Variants in CCDC148 observed in about 807,000 individuals in gnomAD.
CCDC148 encodes the protein coiled-coil domain-containing protein 148.
Under a neutral mutation model 85.7 loss-of-function variants are expected in CCDC148, and 89 were observed. That is an observed-to-expected ratio of 1.04 (90% CI 0.87 to 1.24). The LOEUF is 1.24. Ranked by LOEUF, CCDC148 falls within the 50% of genes most tolerant of loss-of-function variation. The pLI, the probability that CCDC148 is intolerant of heterozygous loss-of-function variation, is 0.00. For synonymous variants in CCDC148, 230 were observed against 213.9 expected, an observed-to-expected ratio of 1.08 and a Z score of -0.66; for missense variants, 692 against 671.7, an observed-to-expected ratio of 1.03 and a Z score of -0.33.
chr2:158,420,685 A>T (rs1339128154), intron 1 of CCDC148, among the ~76,000 whole-genome samples: 2 of 152,156 alleles, frequency 1.3e-5, no homozygotes. Context: ...TCAAGTAACG[A>T]GCGAAATAAC....
rs531591818 is a variant in CCDC148 at position 158,386,696 on chromosome 2, A to C, written c.26-28126T>G. On this transcript the variant is annotated intron_variant, in intron 1 of 13. Coordinates refer to ENST00000283233, the MANE Select transcript of CCDC148 (RefSeq NM_138803.4). ...TTTGTCTACCTCATACTATTCTCTG[A>C]CACAATTCTTGATTTTTAAAAAAAT... Among the ~76,000 whole-genome samples the C allele has an allele frequency of 2.6e-5, 4 of 152,236 alleles. No individual in the cohort carries two copies. The East Asian group carries it at 7.7e-4, about 29-fold the overall frequency.
chr2:158,351,336 A>T (rs1683264850), intron 2 of CCDC148, among the ~76,000 whole-genome samples: 1 of 152,192 alleles, frequency 6.6e-6, no homozygotes, highest in Non-Finnish European at 1.5e-5. Context: ...GGTTCATCTC[A>T]CTAGGGAGTG....
intron 1 of CCDC148, among the ~76,000 whole-genome samples, chr2:158,387,120 C>T (rs2356093): frequency 6.6e-6 from 1 of 152,118 alleles, no homozygotes; most frequent in African/African-American, 2.4e-5. Flanking sequence ...GGTCTTTGCT[C>T]GTCACAGTCT....
At chr2:158,419,669 C>A (rs1313588238) in intron 1 of CCDC148, among the ~76,000 whole-genome samples, 6 of 151,980 alleles carry the variant, frequency 3.9e-5, no homozygotes, top group Non-Finnish European at 8.8e-5. Context: ...GGCAGCTAAG[C>A]CAAACAAGAA....
chr2:158,266,177 C>A (rs1048522036), intron 9 of CCDC148, among the ~76,000 whole-genome samples: 3 of 152,170 alleles, frequency 2.0e-5, no homozygotes, highest in Non-Finnish European at 4.4e-5. Context: ...CCAGCAGAGG[C>A]ACAAGCTCAA....
intron 9 of CCDC148, among the ~76,000 whole-genome samples, chr2:158,262,175 G>A (rs974289380): frequency 2.0e-5 from 3 of 152,042 alleles, no homozygotes; most frequent in Non-Finnish European, 4.4e-5. Flanking sequence ...CGAATACTAT[G>A]CAGCCATAAA....
chr2:158,368,074 T>G (rs975416430), intron 1 of CCDC148, among the ~76,000 whole-genome samples: 3 of 152,120 alleles, frequency 2.0e-5, no homozygotes. Flanking sequence ...AATGAAGGTT[T>G]ATTTCATAAT....
intron 1 of CCDC148, among the ~76,000 whole-genome samples, chr2:158,441,532 T>C (rs964931696): frequency 6.8e-6 from 1 of 147,648 alleles, no homozygotes; most frequent in Non-Finnish European, 1.5e-5. Context: ...CAATATGTGA[T>C]TGTTTTCCTC....
In CCDC148 at chr2:158,278,306, G is replaced by C. The variant is rs564847388; in HGVS notation, c.1111-27394C>G. On this transcript the variant is annotated intron_variant, in intron 9 of 13. Coordinates refer to ENST00000283233, the MANE Select transcript of CCDC148 (RefSeq NM_138803.4). The stretch of plus-strand genomic sequence containing the variant: ...AGTGGGTGCAGCTCACCATGCACGA[G>C]CCTAAGCAGGGTGAGACATTGCCTC... Among the ~76,000 whole-genome samples the C allele has an allele frequency of 5.9e-5, 9 of 152,248 alleles. No individual in the cohort carries two copies. In the South Asian group the frequency reaches 1.9e-3, roughly 32 times the overall value.
intron 1 of CCDC148, among the ~76,000 whole-genome samples, chr2:158,388,644 G>A (rs1206483335): frequency 2.0e-5 from 3 of 152,084 alleles, no homozygotes; most frequent in East Asian, 3.9e-4. Context: ...ACTGGTGCCC[G>A]CCACAATGCT....
intron 10 of CCDC148, among the ~76,000 whole-genome samples, chr2:158,231,905 A>G (rs1687874047): frequency 6.6e-6 from 1 of 152,158 alleles, no homozygotes; most frequent in Non-Finnish European, 1.5e-5. Context: ...TTCATCCTAC[A>G]ATTTATGTAT....
At chr2:158,278,205 G>C (rs1231221094) in intron 9 of CCDC148, among the ~76,000 whole-genome samples, 1 of 152,174 alleles carries the variant, frequency 6.6e-6, no homozygotes, top group Non-Finnish European at 1.5e-5. Context: ...TGACGCAGAA[G>C]ACGGGTGATT....
intron 1 of CCDC148, among the ~76,000 whole-genome samples, chr2:158,400,568 T>G (rs1685735133): frequency 4.6e-5 from 7 of 152,182 alleles, no homozygotes; most frequent in Admixed American, 4.6e-4. Context: ...CAAGATGGAT[T>G]AAAGATTTAA....
In CCDC148 at chr2:158,223,453, G is replaced by A. The variant is rs543504329; in HGVS notation, c.1252-2740C>T. ...TCTGCAGACTTAAATGTCCCTGTCT[G>A]ACAGCTTTGAAGAGTGTAGTGGTTC... On this transcript the variant is annotated intron_variant, in intron 10 of 13. Transcript: ENST00000283233. Among the ~76,000 whole-genome samples, 3 of 152,330 alleles carry A rather than the reference G, an allele frequency of 2.0e-5. No individual in the cohort carries two copies. The South Asian group carries it at 6.2e-4, about 32-fold the overall frequency.
At chr2:158,392,019 G>C (rs762090301) in intron 1 of CCDC148, among the ~76,000 whole-genome samples, 2 of 152,018 alleles carry the variant, frequency 1.3e-5, no homozygotes, top group Non-Finnish European at 2.9e-5. Context: ...AGAAAGTGAT[G>C]ACTTCACCAG....
At chr2:158,426,970 A>G (rs189877727) in intron 1 of CCDC148, among the ~76,000 whole-genome samples, 1 of 152,346 alleles carries the variant, frequency 6.6e-6, no homozygotes, top group East Asian at 1.9e-4. Flanking sequence ...GTGTCTAGGT[A>G]GTGAATCCTG....
At chr2:158,441,298 G>A (rs984629877) in intron 1 of CCDC148, among the ~76,000 whole-genome samples, 1 of 151,982 alleles carries the variant, frequency 6.6e-6, no homozygotes, top group African/African-American at 2.4e-5. Context: ...TTCTAGGGCT[G>A]CCAATTTACC....
chr2:158,354,239 G>A (rs1315648344), intron 2 of CCDC148, among the ~76,000 whole-genome samples: 1 of 152,074 alleles, frequency 6.6e-6, no homozygotes, highest in Admixed American at 6.6e-5. Context: ...GAGCAGAACT[G>A]AAGGAAATAG....
intron 11 of CCDC148, among the ~76,000 whole-genome samples, chr2:158,192,370 C>A (rs746413350): frequency 4.0e-5 from 6 of 151,876 alleles, no homozygotes; most frequent in Non-Finnish European, 5.9e-5. Context: ...AAACTTTAGT[C>A]GGATGTCTGG....
Sources: gnomAD v4.1 joint callset for allele counts (sites outside exome capture counted in the v4.1 genomes callset) on GRCh38, gnomAD v4.1.1 for gene constraint, MANE v1.5 for transcripts, NCBI Gene and HGNC (gene_info 2026-07-23, HGNC 2026-07-21) for gene names.